The following KCNIP4 variants were observed in gnomAD, a reference collection of about 807,000 sequenced individuals.
KCNIP4 encodes Kv channel-interacting protein 4.
Under a neutral mutation model 34.0 loss-of-function variants are expected in KCNIP4, and 12 were observed. The observed-to-expected ratio is 0.35, with a 90% CI of 0.23 to 0.57. The LOEUF (loss-of-function observed/expected upper bound fraction) is 0.57, where lower values mean the gene tolerates loss of function less well. Among genes scored for constraint, KCNIP4 ranks in the 20% least tolerant of loss-of-function variants. The probability of loss-of-function intolerance (pLI) is 0.83; values close to 1 mark genes in which losing one functional copy is unlikely to be tolerated. For synonymous variants in KCNIP4, 124 were observed against 102.2 expected, an observed-to-expected ratio of 1.21 and a Z score of -1.29; for missense variants, 238 against 311.7, an observed-to-expected ratio of 0.76 and a Z score of 1.78.
chr4:21,699,207 C>T lies in KCNIP4; in HGVS notation c.61+249364G>A, dbSNP rs115594463. ...GGGAATAGAATGCATATTTTATTTA[C>T]TTGTTGGAGAGTAAAATAAGATAGG... is the stretch of plus-strand genomic sequence containing the variant. On this transcript the variant is annotated intron_variant, in intron 1 of 8. Coordinates refer to ENST00000382152, the MANE Select transcript of KCNIP4 (RefSeq NM_025221.6). Among the ~76,000 whole-genome samples the T allele has an allele frequency of 6.1e-3, 930 of 152,224 alleles. 10 individuals carry two copies. Among genetic ancestry groups the T allele is most frequent in the African/African-American group, 0.021 (871 of 41,544 alleles).
chr4:21,032,664 G>T (rs1320250008), intron 1 of KCNIP4, among the ~76,000 whole-genome samples: 2 of 152,100 alleles, frequency 1.3e-5, no homozygotes, highest in Non-Finnish European at 2.9e-5. Context: ...CGTAAACATG[G>T]TCAAACATTA....
chr4:21,257,269 C>A (rs1457480041), intron 1 of KCNIP4, among the ~76,000 whole-genome samples: 1 of 152,186 alleles, frequency 6.6e-6, no homozygotes, highest in Non-Finnish European at 1.5e-5. Context: ...CACTTCTATA[C>A]ACATGTCTGG....
In KCNIP4 at chr4:21,773,763, G is replaced by GT. The variant is rs1231625263; in HGVS notation, c.61+174807dup. Among the ~76,000 whole-genome samples the GT allele has an allele frequency of 1.3e-3, 186 of 138,086 alleles. 1 individual carries two copies. Among genetic ancestry groups the GT allele is most frequent in the African/African-American group, 5.3e-3 (175 of 32,750 alleles). 90.6% of individuals were successfully genotyped at this position (138,086 alleles called of 152,430 possible). A position where few individuals can be genotyped will look rare whatever the true frequency, so the allele number is the denominator to read the frequency against. On this transcript the variant is annotated intron_variant, in intron 1 of 8. Transcript: ENST00000382152. ...TTTTGTTGTTTTTTTTTTTTTGTTT[G>GT]TTTGTTTTTGTTTTGTTTACCATTT... is the stretch of plus-strand genomic sequence containing the variant.
chr4:21,744,178 C>T (rs1716614870), intron 1 of KCNIP4, among the ~76,000 whole-genome samples: 1 of 152,144 alleles, frequency 6.6e-6, no homozygotes, highest in Non-Finnish European at 1.5e-5. Flanking sequence ...TAAATCTAAC[C>T]ATGACCACAA....
chr4:21,310,742 C>T (rs1212824627), intron 1 of KCNIP4, among the ~76,000 whole-genome samples: 1 of 152,110 alleles, frequency 6.6e-6, no homozygotes, highest in Admixed American at 6.5e-5. Context: ...AGCCATTCTC[C>T]TGCCTCAGCC....
intron 1 of KCNIP4, among the ~76,000 whole-genome samples, chr4:21,471,457 T>C (rs920473637): frequency 6.6e-6 from 1 of 152,224 alleles, no homozygotes; most frequent in Admixed American, 6.5e-5. Context: ...GCAAATTTTA[T>C]CGGAATCTTT....
At chr4:21,503,881 A>C (rs1417465197) in intron 1 of KCNIP4, among the ~76,000 whole-genome samples, 1 of 152,206 alleles carries the variant, frequency 6.6e-6, no homozygotes, top group Non-Finnish European at 1.5e-5. Context: ...CTATATCAAA[A>C]ACAGCTTTCA....
intron 1 of KCNIP4, among the ~76,000 whole-genome samples, chr4:21,178,284 T>A (rs531116520): frequency 6.6e-6 from 1 of 152,334 alleles, no homozygotes; most frequent in East Asian, 1.9e-4. Context: ...TGAAAGTCAA[T>A]GAAAGTTCTT....
intron 1 of KCNIP4, among the ~76,000 whole-genome samples, chr4:21,711,595 T>C (rs1177665844): frequency 1.3e-5 from 2 of 152,248 alleles, no homozygotes; most frequent in Non-Finnish European, 2.9e-5. Context: ...CATTTTCATA[T>C]ACTGCTTTGA....
At chr4:21,378,031 A>T (rs1721131177) in intron 1 of KCNIP4, among the ~76,000 whole-genome samples, 1 of 53,988 alleles carries the variant, frequency 1.9e-5, no homozygotes, top group African/African-American at 5.7e-5. Context: ...TATCCTGGTT[A>T]GACTAACTTG....
At chr4:21,231,148 T>A (rs1228176707) in intron 1 of KCNIP4, among the ~76,000 whole-genome samples, 1 of 152,156 alleles carries the variant, frequency 6.6e-6, no homozygotes, top group Non-Finnish European at 1.5e-5. Flanking sequence ...TGTCTTCTCC[T>A]TTATTGTCCT....
intron 3 of KCNIP4, among the ~76,000 whole-genome samples, chr4:20,776,223 A>T (rs574796869): frequency 1.3e-5 from 2 of 152,332 alleles, no homozygotes; most frequent in African/African-American, 4.8e-5. Context: ...CTCTCTAGTG[A>T]GGCATAAAGC....
intron 5 of KCNIP4, among the ~76,000 whole-genome samples, chr4:20,742,429 A>G (rs1464967783): frequency 6.6e-6 from 1 of 152,160 alleles, no homozygotes; most frequent in Non-Finnish European, 1.5e-5. Context: ...AAATCAATAA[A>G]TGTAATCCAT....
At chr4:21,247,659 ATT>A (rs1241297019) in intron 1 of KCNIP4, among the ~76,000 whole-genome samples, 4 of 141,278 alleles carry the variant, frequency 2.8e-5, no homozygotes, top group African/African-American at 1.1e-4. Flanking sequence ...ATATCTATAT[ATT>A]TAGATATATC....
chr4:21,570,551 GA>G (rs1740284780), intron 1 of KCNIP4, among the ~76,000 whole-genome samples: 1 of 152,116 alleles, frequency 6.6e-6, no homozygotes, highest in Non-Finnish European at 1.5e-5. Context: ...GGGAGGACAG[GA>G]GCCTAGAACT....
intron 1 of KCNIP4, among the ~76,000 whole-genome samples, chr4:21,628,947 G>C (rs1745524748): frequency 6.6e-6 from 1 of 152,118 alleles, no homozygotes; most frequent in Non-Finnish European, 1.5e-5. Context: ...CAAATATGTG[G>C]TTTTGTGGAA....
chr4:21,077,862 A>C lies in KCNIP4; in HGVS notation c.62-195153T>G, dbSNP rs1387873055. 3.3e-5 allele frequency among the ~76,000 whole-genome samples: 5 copies of C among 152,214 alleles called. No individual in the cohort carries two copies. In the South Asian group the frequency reaches 8.3e-4, roughly 25 times the overall value. ...ATACATTATTGTTCAAAATGTAATAAAATTGGTGAAGTTTTAGAACTGGAG... is the reference window on the plus strand; with the variant it reads ...ATACATTATTGTTCAAAATGTAATACAATTGGTGAAGTTTTAGAACTGGAG... On this transcript the variant is annotated intron_variant, in intron 1 of 8. Coordinates refer to ENST00000382152, the MANE Select transcript of KCNIP4 (RefSeq NM_025221.6).
At chr4:21,651,663 T>C (rs1228762951) in intron 1 of KCNIP4, among the ~76,000 whole-genome samples, 1 of 152,130 alleles carries the variant, frequency 6.6e-6, no homozygotes, top group East Asian at 1.9e-4. Context: ...AACTAATGAA[T>C]TCTTTTACAA....
chr4:20,967,343 G>A lies in KCNIP4; in HGVS notation c.62-84634C>T, dbSNP rs1577453219. Among the ~76,000 whole-genome samples the A allele has an allele frequency of 3.9e-5, 6 of 152,200 alleles. No homozygotes were observed. The South Asian group carries it at 1.2e-3, about 32-fold the overall frequency. On this transcript the variant is annotated intron_variant, in intron 1 of 8. Coordinates refer to ENST00000382152, the MANE Select transcript of KCNIP4 (RefSeq NM_025221.6). ...TAGGAAGAATCAATATCGTGAAAAT[G>A]GCCATACTGCCCAAGGTAATTTGTA...
Sources: allele counts gnomAD v4.1 joint callset (sites outside exome capture counted in the v4.1 genomes callset), GRCh38; gene constraint gnomAD v4.1.1; transcripts MANE v1.5; gene names NCBI Gene and HGNC (gene_info 2026-07-23, HGNC 2026-07-21).